The following PLEKHG6 variants were observed in gnomAD, a reference collection of about 807,000 sequenced individuals.
The protein encoded by PLEKHG6 is pleckstrin homology and RhoGEF domain containing G6, also known as pleckstrin homology domain-containing family G member 6.
Under a neutral mutation model 97.5 loss-of-function variants are expected in PLEKHG6, and 91 were observed. The observed-to-expected ratio is 0.93, with a 90% CI of 0.79 to 1.11. The LOEUF (loss-of-function observed/expected upper bound fraction) is 1.11, where lower values mean the gene tolerates loss of function less well. Among genes scored for constraint, PLEKHG6 ranks in the 50% most tolerant of loss-of-function variants. The pLI is 0.00. For missense variants in PLEKHG6, 1,044 were observed against 1,031.0 expected (o/e 1.01, Z -0.17); for synonymous variants, 466 against 425.5 (o/e 1.10, Z -1.17).
chr12:6,318,602 A>C, intron 11 of PLEKHG6, 143 bp from the exon 12 acceptor site: 1 of 1,149,618 alleles, frequency 8.7e-7, no homozygotes, highest in Non-Finnish European at 1.2e-6. Flanking sequence ...GATGTGACCA[A>C]AGCGACGCCC....
chr12:6,327,316 C>T lies in PLEKHG6; in HGVS notation c.1733C>T (p.Ala578Val). ...GTGACAGAAGACACAGATGAAGATG[C>T]TCCCCTTGTGCCAGATGATACCTCA... ...LVVTEDTDED[A>V]PLVPDDTSDS... The change falls in exon 15 of 16, where the codon GCT (alanine) becomes GTT (valine). Residue 578 changes from alanine to valine, a missense_variant. Coordinates refer to ENST00000684764, the MANE Select transcript of PLEKHG6 (RefSeq NM_001384598.1). 6.2e-7 allele frequency: 1 copy of T among 1,613,856 alleles called. No individual in the cohort carries two copies. Among genetic ancestry groups the T allele is most frequent in the Non-Finnish European group, 8.5e-7 (1 of 1,179,834 alleles).
chr12:6,310,587 G>A (rs755357), upstream of PLEKHG6: 9,032 of 152,502 alleles, frequency 0.059, 401 homozygotes, highest in Admixed American at 0.17. Context: ...GTGGCTGCGT[G>A]AGGGCGGGGG....
At chr12:6,311,392 C>T (rs191081529) in intron 1 of PLEKHG6, among the ~76,000 whole-genome samples, 217 of 152,302 alleles carry the variant, frequency 1.4e-3, no homozygotes, top group African/African-American at 5.0e-3. Context: ...GCCCCACTCA[C>T]CTCCCTGTCT....
chr12:6,316,354 G>A lies in PLEKHG6; in HGVS notation c.706G>A (p.Ala236Thr). ...GGGGCCCACCCTGGAGGAGACTCGG[G>A]CCTCGGGCCAGCCTCTGGACCCCAT... ...VLGPTLEETR[A>T]SGQPLDPIGL... The change falls in exon 7 of 16, where the codon GCC (alanine) becomes ACC (threonine). Residue 236 changes from alanine (A) to threonine (T), a missense_variant. Transcript: ENST00000684764. This position sits in a 1 kb window ranked among gnomAD's most constrained non-coding sequence, Gnocchi z 4.1. 1 of 1,566,004 alleles carries A rather than the reference G, an allele frequency of 6.4e-7. No individual in the cohort carries two copies. The highest frequency in any genetic ancestry group is 1.9e-5 in the Admixed American group (1 of 52,854).
intron 13 of PLEKHG6, chr12:6,319,751 G>A (rs923126784): frequency 1.8e-5 from 24 of 1,364,336 alleles, no homozygotes; most frequent in Middle Eastern, 1.8e-4. Context: ...TGCTGAGTAC[G>A]GCAGGCACTA....
In PLEKHG6 at chr12:6,312,297, G is replaced by T. The variant is rs1230117527; in HGVS notation, c.71G>T (p.Gly24Val). The T allele has an allele frequency of 6.4e-7, 1 of 1,565,548 alleles. No homozygotes were observed. Among genetic ancestry groups the T allele is most frequent in the Non-Finnish European group, 8.6e-7 (1 of 1,161,830 alleles). ...GLVASRIETY[G>V]GRHRASAQST... ...GTGGCCTCCCGCATTGAGACTTATG[G>T]GGGCCGGCATCGAGCCTCTGCTCAG... The change falls in exon 2 of 16, where the codon GGG (glycine) becomes GTG (valine). Residue 24 changes from glycine to valine, a missense_variant. By Grantham distance (109) the Gly-to-Val change is moderately radical. Coordinates refer to ENST00000684764, the MANE Select transcript of PLEKHG6 (RefSeq NM_001384598.1).
intron 3 of PLEKHG6, among the ~76,000 whole-genome samples, chr12:6,314,514 A>G: frequency 7.0e-6 from 1 of 142,330 alleles, no homozygotes; most frequent in South Asian, 2.1e-4. Flanking sequence ...TCTCAAAAGG[A>G]AAAAAAAAAG....
Position 6,312,428 on chromosome 12 carries a change from G to T in PLEKHG6, c.138+64G>T, listed in dbSNP as rs527834547. 2.7e-6 allele frequency: 4 copies of T among 1,489,372 alleles called. No individual in the cohort carries two copies. In the South Asian group the frequency reaches 5.2e-5, roughly 19 times the overall value. 92.3% of individuals were successfully genotyped at this position (1,489,372 alleles called of 1,614,324 possible). On this transcript the variant is annotated intron_variant, in intron 2 of 15. Transcript: ENST00000684764. The stretch of plus-strand genomic sequence containing the variant: ...CAGGAGGGAAGACACCTAGGCTGTG[G>T]AGTCTCTGTCCCCTTACAGGTTCAG...
At chr12:6,314,232 G>T (rs1592021824) in intron 3 of PLEKHG6, among the ~76,000 whole-genome samples, 1 of 152,146 alleles carries the variant, frequency 6.6e-6, no homozygotes, top group African/African-American at 2.4e-5. Flanking sequence ...GCCGGGCGTG[G>T]TGGCTCACAC....
At position 6,312,285 on chromosome 12, in the gene PLEKHG6, T is replaced by C. The variant is rs1162054185; in HGVS notation, c.59T>C (p.Ile20Thr). 1 of 1,560,452 alleles carries C rather than the reference T, an allele frequency of 6.4e-7. No homozygotes were observed. The highest frequency in any genetic ancestry group is 8.6e-7 in the Non-Finnish European group (1 of 1,159,960). Residue 20 changes from isoleucine to threonine, a missense_variant, in exon 2 of 16, where the codon ATT becomes ACT. Ile to Thr is a moderately conservative substitution (Grantham distance 89). Transcript: ENST00000684764. ...CTCCAAGGACTCGTGGCCTCCCGCA[T>C]TGAGACTTATGGGGGCCGGCATCGA... ...GPLQGLVASR[I>T]ETYGGRHRAS...
chr12:6,327,571 A>T lies in PLEKHG6; in HGVS notation c.1988A>T (p.Asp663Val), dbSNP rs770759747. ...ILKGGSLPQE[D>V]PPTWSEEEDG... ...AAAGGAGGCAGTCTTCCCCAGGAAG[A>T]CCCACCAACCTGGTCTGAGGAAGAA... The change falls in exon 15 of 16, where the codon GAC (aspartate) becomes GTC (valine). Residue 663 changes from aspartate to valine, a missense_variant. Asp to Val is a radical substitution (Grantham distance 152). Coordinates refer to ENST00000684764, the MANE Select transcript of PLEKHG6 (RefSeq NM_001384598.1). 1.3e-6 allele frequency: 2 copies of T among 1,598,510 alleles called. No individual in the cohort carries two copies. The highest frequency in any genetic ancestry group is 1.7e-6 in the Non-Finnish European group (2 of 1,172,886).
At chr12:6,311,244 G>C (rs1011156613) in intron 1 of PLEKHG6, 3 of 152,488 alleles carry the variant, frequency 2.0e-5, no homozygotes. Context: ...GTTTAGGGGG[G>C]AGGGATGGAG....
At chr12:6,312,847 C>T in intron 2 of PLEKHG6, 1 of 1,292,656 alleles carries the variant, frequency 7.7e-7, no homozygotes, top group South Asian at 1.9e-5. Context: ...CCTGGCTCTC[C>T]TCCAGTCCTA....
Position 6,318,053 on chromosome 12 carries a change from G to A in PLEKHG6, c.1155+59G>A, listed in dbSNP as rs929436832. 4.0e-6 allele frequency: 6 copies of A among 1,518,520 alleles called. No homozygotes were observed. The African/African-American group carries it at 5.5e-5, about 14-fold the overall frequency. The allele number at this position is 1,518,520 out of a possible 1,614,324, so 94.1% of individuals were successfully genotyped here. On this transcript the variant is annotated intron_variant, in intron 10 of 15. Transcript: ENST00000684764. The stretch of plus-strand genomic sequence containing the variant: ...CAAGGTCCCAGGGATACTGGTGAAG[G>A]GGAGGGCTGCAAGGCCAGAACACCC...
At chr12:6,312,042 G>A (rs1291484174) in intron 1 of PLEKHG6, 117 bp from the exon 2 acceptor site, 2 of 484,376 alleles carry the variant, frequency 4.1e-6, no homozygotes, top group Non-Finnish European at 3.6e-6. Context: ...CCAAGCCCTT[G>A]GCCCTCTCCT....
In PLEKHG6 at chr12:6,313,400, G is replaced by A. The variant is rs568145281; in HGVS notation, c.139-229G>A. Among the ~76,000 whole-genome samples the A allele has an allele frequency of 2.6e-5, 4 of 152,322 alleles. No individual in the cohort carries two copies. The South Asian group carries it at 8.3e-4, about 32-fold the overall frequency. On this transcript the variant is annotated intron_variant, in intron 2 of 15. Coordinates refer to ENST00000684764, the MANE Select transcript of PLEKHG6 (RefSeq NM_001384598.1). ...CACTTCTTCCCCAGGCCCACTCAGG[G>A]AGCCAGGCTGTCTTGCCTCTGCCCA...
Position 6,327,283 on chromosome 12 carries a change from AC to A in PLEKHG6, c.1702del (p.Leu568TrpfsTer3). On this transcript the variant is annotated frameshift_variant, in exon 15 of 16. Coordinates refer to ENST00000684764, the MANE Select transcript of PLEKHG6 (RefSeq NM_001384598.1). LOFTEE classifies it high-confidence loss of function. ...CCTGAGTTCTCGACCATTATCCCCC[AC>A]CTGGTGGTGACAGAAGACACAGATG... ...RTPEFSTIIP[H>X]LVVTEDTDED... 1 of 1,608,000 alleles carries A rather than the reference AC, an allele frequency of 6.2e-7. No individual in the cohort carries two copies. The highest frequency in any genetic ancestry group is 1.3e-5 in the African/African-American group (1 of 74,828).
Position 6,319,510 on chromosome 12 carries a change from G to A in PLEKHG6, c.1524+402G>A, listed in dbSNP as rs1042556964. The A allele has an allele frequency of 8.0e-6, 12 of 1,499,138 alleles. No homozygotes were observed. In the African/African-American group the frequency reaches 1.3e-4, roughly 16 times the overall value. 92.9% of individuals were successfully genotyped at this position (1,499,138 alleles called of 1,614,324 possible). A position where few individuals can be genotyped will look rare whatever the true frequency, so the allele number is the denominator to read the frequency against. ...AACGAATGAACATGGGAGCGCAGAG[G>A]GGAGGAGGAGAGAGGCTGGGGTGGA... On this transcript the variant is annotated intron_variant, in intron 13 of 15. Transcript: ENST00000684764.
chr12:6,317,844 C>A lies in PLEKHG6; in HGVS notation c.1018-13C>A. 1 of 1,549,120 alleles carries A rather than the reference C, an allele frequency of 6.5e-7. No individual in the cohort carries two copies. The highest frequency in any genetic ancestry group is 8.7e-7 in the Non-Finnish European group (1 of 1,145,066). ...TGAGCCGTCCCTCCTCCCACACCCCCAACCCCACCTAGATTGAAGCCGTGG... is the reference window on the plus strand; with the variant it reads ...TGAGCCGTCCCTCCTCCCACACCCCAAACCCCACCTAGATTGAAGCCGTGG... On this transcript the variant is annotated splice_polypyrimidine_tract_variant and intron_variant, in intron 9 of 15. Transcript: ENST00000684764.
Sources: allele counts gnomAD v4.1 joint callset (sites outside exome capture counted in the v4.1 genomes callset), GRCh38; gene constraint gnomAD v4.1.1; non-coding constraint Gnocchi (gnomAD v3.1); transcripts MANE v1.5; gene names NCBI Gene and HGNC (gene_info 2026-07-23, HGNC 2026-07-21).